MCTP2: variants seen among roughly 807,000 people sequenced by gnomAD.
MCTP2 encodes multiple C2 and transmembrane domain-containing protein 2.
MCTP2 carries 132 observed loss-of-function variants against 111.6 expected under a neutral mutation model. That is an observed-to-expected ratio of 1.18 (90% CI 1.03 to 1.37). The LOEUF is 1.37. MCTP2 is among the 40% of genes most tolerant of loss of function. MCTP2 has a pLI of 0.00. For missense variants in MCTP2, 1,183 were observed against 1,067.9 expected, an observed-to-expected ratio of 1.11 and a Z score of -1.50; for synonymous variants, 395 against 387.7, an observed-to-expected ratio of 1.02 and a Z score of -0.22.
intron 1 of MCTP2, among the ~76,000 whole-genome samples, chr15:94,264,452 CAAA>C (rs2073389847): frequency 6.6e-6 from 1 of 151,730 alleles, no homozygotes; most frequent in African/African-American, 2.4e-5. Context: ...ACTAAAAATA[CAAA>C]AAAATTAGCT....
At chr15:94,348,158 T>C (rs1365868601) in intron 8 of MCTP2, among the ~76,000 whole-genome samples, 2 of 152,032 alleles carry the variant, frequency 1.3e-5, no homozygotes, top group Non-Finnish European at 2.9e-5. Flanking sequence ...AATTGACTTC[T>C]AGTGCCAATT....
In MCTP2 at chr15:94,370,171, G is replaced by A; in HGVS notation, c.1573G>A (p.Asp525Asn). 1 of 1,610,556 alleles carries A rather than the reference G, an allele frequency of 6.2e-7. No homozygotes were observed. The highest frequency in any genetic ancestry group is 1.1e-5 in the South Asian group (1 of 90,554). Residue 525 changes from aspartate to asparagine, a missense_variant, in exon 12 of 23, where the codon GAT becomes AAT. Asp to Asn is a conservative substitution (Grantham distance 23). Coordinates refer to ENST00000357742, the MANE Select transcript of MCTP2 (RefSeq NM_001385001.1). Reference protein sequence around the residue: ...VLKAADLLAADFSGKSDPFCL... With the variant: ...VLKAADLLAANFSGKSDPFCL... Reference sequence around the variant, plus strand: ...AAAGGCAGCAGATCTCTTAGCGGCAGATTTCTCAGGTACAGGACATTTTCA... The same window carrying A: ...AAAGGCAGCAGATCTCTTAGCGGCAAATTTCTCAGGTACAGGACATTTTCA...
chr15:94,466,711 A>G (rs928243158), intron 20 of MCTP2, among the ~76,000 whole-genome samples: 2 of 152,200 alleles, frequency 1.3e-5, no homozygotes, highest in African/African-American at 4.8e-5. Context: ...AGAAAATATT[A>G]GAGTGAAAAT....
intron 1 of MCTP2, among the ~76,000 whole-genome samples, chr15:94,253,358 T>C (rs1476027943): frequency 1.3e-5 from 2 of 152,212 alleles, no homozygotes; most frequent in African/African-American, 4.8e-5. Flanking sequence ...TGTTAATTGG[T>C]GGTTCCACCA....
chr15:94,396,222 G>T (rs2081275184), intron 14 of MCTP2, among the ~76,000 whole-genome samples: 1 of 152,098 alleles, frequency 6.6e-6, no homozygotes, highest in African/African-American at 2.4e-5. Flanking sequence ...CAAATGAATT[G>T]CCTTGTCTTT....
intron 20 of MCTP2, among the ~76,000 whole-genome samples, chr15:94,459,492 TAAAC>T (rs2085055078): frequency 6.6e-6 from 1 of 152,200 alleles, no homozygotes; most frequent in South Asian, 2.1e-4. Context: ...AAATGACTTT[TAAAC>T]AAAGTTGATG....
At chr15:94,430,400 C>T (rs1329623468) in intron 17 of MCTP2, among the ~76,000 whole-genome samples, 7 of 84,044 alleles carry the variant, frequency 8.3e-5, no homozygotes, top group Non-Finnish European at 1.7e-4. Flanking sequence ...CAATCACACA[C>T]ACACACACAC....
In MCTP2 at chr15:94,339,205, G is replaced by A. The variant is rs116448931; in HGVS notation, c.638-85G>A. On this transcript the variant is annotated intron_variant, in intron 4 of 22. Coordinates refer to ENST00000357742, the MANE Select transcript of MCTP2 (RefSeq NM_001385001.1). ...GTGCAGGGAGACATTAGCCTGGGGA[G>A]TGGGGAAAGGATCTTTATTTAATGA... is the stretch of plus-strand genomic sequence containing the variant. 2.8e-3 allele frequency: 2,809 copies of A among 987,134 alleles called. 60 individuals carry two copies. In the African/African-American group the frequency reaches 0.04, roughly 14 times the overall value. 61.1% of individuals were successfully genotyped at this position (987,134 alleles called of 1,614,324 possible). A position where few individuals can be genotyped will look rare whatever the true frequency, so the allele number is the denominator to read the frequency against.
intron 19 of MCTP2, among the ~76,000 whole-genome samples, chr15:94,455,113 C>T (rs1385235221): frequency 6.6e-6 from 1 of 152,138 alleles, no homozygotes; most frequent in Non-Finnish European, 1.5e-5. Context: ...TGAGCCACCA[C>T]TCCCTGCCTA....
chr15:94,456,359 T>C (rs1454170418), intron 19 of MCTP2, among the ~76,000 whole-genome samples: 4 of 152,246 alleles, frequency 2.6e-5, no homozygotes, highest in African/African-American at 9.6e-5. Flanking sequence ...AGGAAGTTTT[T>C]ATTAAATCGA....
At chr15:94,471,468 T>C (rs2073921741) in intron 21 of MCTP2, among the ~76,000 whole-genome samples, 1 of 152,166 alleles carries the variant, frequency 6.6e-6, no homozygotes, top group African/African-American at 2.4e-5. Flanking sequence ...AATCCTGCTG[T>C]CAAGAAAAGC....
intron 17 of MCTP2, among the ~76,000 whole-genome samples, chr15:94,419,543 G>A (rs1596648951): frequency 6.6e-6 from 1 of 151,944 alleles, no homozygotes; most frequent in African/African-American, 2.4e-5. Context: ...TTCCATTATT[G>A]GTGTCTCTTT....
chr15:94,355,885 G>T, intron 8 of MCTP2: 1 of 1,043,538 alleles, frequency 9.6e-7, no homozygotes, highest in Non-Finnish European at 1.2e-6. Context: ...CTGGGTGGGA[G>T]TACCGGCCAG....
chr15:94,346,140 G>A (rs1436306193), intron 8 of MCTP2, among the ~76,000 whole-genome samples: 3 of 152,048 alleles, frequency 2.0e-5, no homozygotes, highest in South Asian at 2.1e-4. Flanking sequence ...CCGAGAGAGC[G>A]AAAGAGAGAA....
intron 14 of MCTP2, among the ~76,000 whole-genome samples, chr15:94,386,665 T>A (rs143937929): frequency 0.033 from 5,026 of 152,152 alleles, 114 homozygotes; most frequent in Middle Eastern, 0.048. Flanking sequence ...TACAACTTTG[T>A]CAGTTATTCC....
intron 19 of MCTP2, among the ~76,000 whole-genome samples, chr15:94,443,564 G>A (rs529206930): frequency 6.6e-6 from 1 of 152,202 alleles, no homozygotes; most frequent in Non-Finnish European, 1.5e-5. Context: ...GGTATCTGGG[G>A]CGAGGGATGG....
At chr15:94,291,946 C>A (rs1596282372) in intron 1 of MCTP2, among the ~76,000 whole-genome samples, 1 of 152,166 alleles carries the variant, frequency 6.6e-6, no homozygotes, top group African/African-American at 2.4e-5. Flanking sequence ...AGTGTGGCTA[C>A]ATTCAATGAA....
At chr15:94,404,365 G>C (rs577268935) in intron 17 of MCTP2, among the ~76,000 whole-genome samples, 1 of 147,672 alleles carries the variant, frequency 6.8e-6, no homozygotes, top group Admixed American at 6.8e-5. Context: ...GCAGAGGCAC[G>C]ATCTTGGCTC....
chr15:94,401,404 G>A (rs1360059544), intron 16 of MCTP2, among the ~76,000 whole-genome samples: 1 of 152,112 alleles, frequency 6.6e-6, no homozygotes. Context: ...TCCCTTCCCA[G>A]AACTCTGTAG....
Sources: allele counts gnomAD v4.1 joint callset (sites outside exome capture counted in the v4.1 genomes callset), GRCh38; gene constraint gnomAD v4.1.1; transcripts MANE v1.5; gene names NCBI Gene and HGNC (gene_info 2026-07-23, HGNC 2026-07-21).